Variants in TLE4 observed in about 807,000 individuals in gnomAD.
TLE4 encodes transducin-like enhancer protein 4.
In TLE4, 8 loss-of-function variants were observed where a neutral mutation model predicts 92.8. That is an observed-to-expected ratio of 0.09 (90% CI 0.05 to 0.16). TLE4 has a LOEUF of 0.16. Among genes scored for constraint, TLE4 ranks in the 10% least tolerant of loss-of-function variants. The probability of loss-of-function intolerance (pLI) is 1.00; values close to 1 mark genes in which losing one functional copy is unlikely to be tolerated. For missense variants in TLE4, 675 were observed against 997.6 expected, an observed-to-expected ratio of 0.68 and a Z score of 4.36; for synonymous variants, 371 against 374.1, an observed-to-expected ratio of 0.99 and a Z score of 0.10.
chr9:79,596,288 T>C (rs2043994898), intron 4 of TLE4, among the ~76,000 whole-genome samples: 1 of 152,198 alleles, frequency 6.6e-6, no homozygotes, highest in Admixed American at 6.5e-5. Flanking sequence ...CCTGATGATA[T>C]TCTTTATACT....
At chr9:79,639,675 A>G (rs963180620) in intron 6 of TLE4, among the ~76,000 whole-genome samples, 3 of 152,134 alleles carry the variant, frequency 2.0e-5, no homozygotes, top group African/African-American at 7.2e-5. Context: ...TAGATACACA[A>G]ATACCATTTT....
At chr9:79,706,020 A>G (rs1189086907) in intron 10 of TLE4, 78 bp downstream of exon 10, 2 of 1,313,744 alleles carry the variant, frequency 1.5e-6, no homozygotes, top group East Asian at 2.3e-5. Flanking sequence ...TTAGTATCCA[A>G]AATATCTTGA....
intron 8 of TLE4, among the ~76,000 whole-genome samples, chr9:79,657,964 A>T (rs2059995199): frequency 6.6e-6 from 1 of 152,174 alleles, no homozygotes. Flanking sequence ...CTCAAGTCAC[A>T]TCTATGAGGG....
chr9:79,724,099 C>T lies in TLE4; in HGVS notation c.2215-938C>T, dbSNP rs183968359. Reference sequence around the variant, plus strand: ...ATGTTTTTAACTGTTGAACCTCTCCCCTCTCGCAAATTTGTGTCACATTTT... The same window carrying T: ...ATGTTTTTAACTGTTGAACCTCTCCTCTCTCGCAAATTTGTGTCACATTTT... On this transcript the variant is annotated intron_variant, in intron 19 of 19. Coordinates refer to ENST00000376552, the MANE Select transcript of TLE4 (RefSeq NM_007005.6). Among the ~76,000 whole-genome samples the T allele has an allele frequency of 4.6e-5, 7 of 152,062 alleles. No individual in the cohort carries two copies. The East Asian group carries it at 1.4e-3, about 29-fold the overall frequency.
At chr9:79,650,659 A>G (rs1035925691) in intron 6 of TLE4, among the ~76,000 whole-genome samples, 1 of 152,194 alleles carries the variant, frequency 6.6e-6, no homozygotes, top group Non-Finnish European at 1.5e-5. Context: ...TTAAATGAAG[A>G]GAATCACCTT....
At chr9:79,619,153 A>G (rs77296124) in intron 5 of TLE4, among the ~76,000 whole-genome samples, 2,893 of 152,304 alleles carry the variant, frequency 0.019, 101 homozygotes, top group African/African-American at 0.063. Context: ...TAGTGATAAT[A>G]TGAGTTTATT....
chr9:79,708,855 A>G, intron 13 of TLE4, 69 bp downstream of exon 13: 1 of 1,495,868 alleles, frequency 6.7e-7, no homozygotes, highest in Non-Finnish European at 8.9e-7. Context: ...TGATTGCGAC[A>G]GGGTCTCGCT....
intron 8 of TLE4, chr9:79,704,582 C>A (rs2070969555): frequency 1.6e-6 from 1 of 606,400 alleles, no homozygotes; most frequent in South Asian, 2.5e-5. Flanking sequence ...TATCTTTCCC[C>A]CTTGTCTTTT....
chr9:79,583,080 A>G (rs1231382404), intron 4 of TLE4, among the ~76,000 whole-genome samples: 1 of 152,166 alleles, frequency 6.6e-6, no homozygotes, highest in African/African-American at 2.4e-5. Context: ...AATAGCTCTC[A>G]GTGGTAGTTG....
chr9:79,652,188 C>CTT (rs1176438795), intron 6 of TLE4, among the ~76,000 whole-genome samples: 3 of 151,262 alleles, frequency 2.0e-5, no homozygotes, highest in African/African-American at 7.3e-5. Context: ...TGGCTTTTTT[C>CTT]TTTTTCTTTT....
At chr9:79,717,461 GTTC>G (rs1565173786) in intron 14 of TLE4, among the ~76,000 whole-genome samples, 1 of 152,074 alleles carries the variant, frequency 6.6e-6, no homozygotes, top group Non-Finnish European at 1.5e-5. Context: ...CACATACTAT[GTTC>G]TTCTACAACG....
chr9:79,637,376 A>T (rs1174253956), intron 6 of TLE4, among the ~76,000 whole-genome samples: 1 of 152,226 alleles, frequency 6.6e-6, no homozygotes, highest in Non-Finnish European at 1.5e-5. Context: ...TGAAGGCCAC[A>T]CAAAAGAGGA....
At chr9:79,701,833 T>G (rs2069996918) in intron 8 of TLE4, among the ~76,000 whole-genome samples, 1 of 152,196 alleles carries the variant, frequency 6.6e-6, no homozygotes, top group African/African-American at 2.4e-5. Flanking sequence ...GCAGTTCCCT[T>G]CTGCTCATGA....
chr9:79,674,425 T>C (rs2062918990), intron 8 of TLE4, among the ~76,000 whole-genome samples: 1 of 152,186 alleles, frequency 6.6e-6, no homozygotes, highest in Non-Finnish European at 1.5e-5. Flanking sequence ...TCATTATCTC[T>C]ATTCTAGGGT....
chr9:79,679,499 G>A (rs951557746), intron 8 of TLE4, among the ~76,000 whole-genome samples: 4 of 152,080 alleles, frequency 2.6e-5, no homozygotes, highest in African/African-American at 9.7e-5. Flanking sequence ...TGAGTTCATT[G>A]TAGATTCTGG....
chr9:79,667,599 T>C (rs1328680687), intron 8 of TLE4, among the ~76,000 whole-genome samples: 2 of 152,164 alleles, frequency 1.3e-5, no homozygotes, highest in Admixed American at 1.3e-4. Context: ...GATGTGTATG[T>C]TTTTAAAATA....
chr9:79,613,576 T>G (rs2133098063), intron 5 of TLE4, among the ~76,000 whole-genome samples: 1 of 152,316 alleles, frequency 6.6e-6, no homozygotes, highest in East Asian at 1.9e-4. Context: ...AAGGAGCTAA[T>G]GAAATATCTG....
intron 8 of TLE4, chr9:79,663,635 G>GTGGT (rs983675868): frequency 6.6e-6 from 1 of 152,134 alleles, no homozygotes; most frequent in African/African-American, 2.4e-5. Flanking sequence ...GGTGGTTGAT[G>GTGGT]TGGTTAGCTG....
rs542713274 is a variant in TLE4 at position 79,668,603 on chromosome 9, A to C, written c.609+14528A>C. On this transcript the variant is annotated intron_variant, in intron 8 of 19. Transcript: ENST00000376552. ...GTGGCTTGCAGGCCAAGAATGTTAC[A>C]ACAGAAATAGTTTCCAGATTCCCCC... 2.6e-5 allele frequency among the ~76,000 whole-genome samples: 4 copies of C among 152,296 alleles called. No individual in the cohort carries two copies. In the East Asian group the frequency reaches 7.7e-4, roughly 29 times the overall value.
Sources: gnomAD v4.1 joint callset for allele counts (sites outside exome capture counted in the v4.1 genomes callset) on GRCh38, gnomAD v4.1.1 for gene constraint, MANE v1.5 for transcripts, NCBI Gene and HGNC (gene_info 2026-07-23, HGNC 2026-07-21) for gene names.